KCTD3: variants seen among roughly 807,000 people sequenced by gnomAD.
KCTD3 encodes the protein potassium channel tetramerization domain containing 3.
Under a neutral mutation model 85.8 loss-of-function variants are expected in KCTD3, and 41 were observed. The ratio of observed to expected loss-of-function variants is 0.48; its 90% CI spans 0.37 to 0.62. The LOEUF (loss-of-function observed/expected upper bound fraction) is 0.62. Among genes scored for constraint, KCTD3 ranks in the 20% least tolerant of loss-of-function variants. The pLI is 0.00. For missense variants in KCTD3, 724 were observed against 989.9 expected (o/e 0.73, Z 3.60); for synonymous variants, 338 against 345.4 (o/e 0.98, Z 0.24).
chr1:215,598,455 A>G (rs549603793), intron 10 of KCTD3, among the ~76,000 whole-genome samples: 115 of 152,338 alleles, frequency 7.5e-4, no homozygotes, highest in Non-Finnish European at 1.1e-3. Context: ...ATATGACACC[A>G]GTTAGAACAC....
chr1:215,600,872 G>T (rs918383085), intron 10 of KCTD3, among the ~76,000 whole-genome samples: 1 of 152,162 alleles, frequency 6.6e-6, no homozygotes, highest in Admixed American at 6.5e-5. Flanking sequence ...AAACAGGGAA[G>T]ATTCATTTTG....
Position 215,619,002 on chromosome 1 carries a change from C to A in KCTD3, c.1679C>A (p.Thr560Lys). ...AGGCGCTACTTGTTCACAGGCCATA[C>A]AAATGGCAGTATTCAAATGTGGGAT... ...RPRRYLFTGHTNGSIQMWDLT... is the reference protein window; with the variant it reads ...RPRRYLFTGHKNGSIQMWDLT... Residue 560 changes from threonine to lysine, a missense_variant, in exon 16 of 18, where the codon ACA becomes AAA. Thr to Lys is a moderately conservative substitution (Grantham distance 78). Around this residue, in one of 6 missense-constraint regions of KCTD3, gnomAD observed 136 missense variants for 197.6 expected, o/e 0.69. Coordinates refer to ENST00000259154, the MANE Select transcript of KCTD3 (RefSeq NM_016121.5). 6.2e-7 allele frequency: 1 copy of A among 1,613,844 alleles called. No homozygotes were observed. The highest frequency in any genetic ancestry group is 8.5e-7 in the Non-Finnish European group (1 of 1,179,882).
At chr1:215,580,956 A>G (rs1659797094) in intron 8 of KCTD3, 2 of 467,754 alleles carry the variant, frequency 4.3e-6, no homozygotes, top group African/African-American at 2.0e-5. Context: ...TTAAGTGCAG[A>G]CTTTTATGTT....
chr1:215,578,104 T>A lies in KCTD3; in HGVS notation c.397+23T>A, dbSNP rs750393753. On this transcript the variant is annotated intron_variant, in intron 6 of 17. Transcript: ENST00000259154. ...CAGGTATTTTCACTTTATTAAATCT[T>A]TTAAAAAATTCCTTGTATCATTAAG... 10 of 1,595,710 alleles carry A rather than the reference T, an allele frequency of 6.3e-6. No individual in the cohort carries two copies. In the Admixed American group the frequency reaches 6.8e-5, roughly 11 times the overall value.
intron 10 of KCTD3, among the ~76,000 whole-genome samples, chr1:215,596,844 A>G (rs1477723879): frequency 1.2e-4 from 18 of 152,126 alleles, no homozygotes; most frequent in Admixed American, 1.1e-3. Context: ...TGCCAGAAGG[A>G]CCTGAAGACT....
chr1:215,611,896 G>T lies in KCTD3; in HGVS notation c.1537G>T (p.Val513Leu). The change falls in exon 15 of 18, where the codon GTA becomes TTA. Residue 513 changes from valine to leucine, a missense_variant. Physicochemically the swap from Val to Leu is conservative, Grantham distance 32. Coordinates refer to ENST00000259154, the MANE Select transcript of KCTD3 (RefSeq NM_016121.5). ...TGTTCCCATCACCAACAAACTATTTGTAAGACTCTCATCGACTGGAAAAAG... is the reference window on the plus strand; with the variant it reads ...TGTTCCCATCACCAACAAACTATTTTTAAGACTCTCATCGACTGGAAAAAG... ...KVVPITNKLFVRLSSTGKRIC... is the reference protein window; with the variant it reads ...KVVPITNKLFLRLSSTGKRIC... The T allele has an allele frequency of 6.2e-7, 1 of 1,605,940 alleles. No homozygotes were observed. The highest frequency in any genetic ancestry group is 8.5e-7 in the Non-Finnish European group (1 of 1,173,918).
intron 9 of KCTD3, among the ~76,000 whole-genome samples, chr1:215,592,347 T>C (rs188584962): frequency 1.3e-5 from 2 of 152,008 alleles, no homozygotes; most frequent in African/African-American, 4.8e-5. Flanking sequence ...AAAACAGTTG[T>C]TTCATATATT....
chr1:215,601,083 A>G (rs112147989), intron 10 of KCTD3, among the ~76,000 whole-genome samples: 52 of 152,250 alleles, frequency 3.4e-4, no homozygotes, highest in African/African-American at 1.2e-3. Flanking sequence ...GATTACTGGC[A>G]TGCGCCACTA....
At position 215,597,175 on chromosome 1, in the gene KCTD3, A is replaced by G. The variant is rs1571887868; in HGVS notation, c.933+1704A>G. ...GCAAAATCATCAGGACAGTTTCAAT[A>G]AAATATTAATGAAAATGTTATAAAA... is the stretch of plus-strand genomic sequence containing the variant. On this transcript the variant is annotated intron_variant, in intron 10 of 17. Coordinates refer to ENST00000259154, the MANE Select transcript of KCTD3 (RefSeq NM_016121.5). Among the ~76,000 whole-genome samples, 3 of 152,186 alleles carry G rather than the reference A, an allele frequency of 2.0e-5. No individual in the cohort carries two copies. In the East Asian group the frequency reaches 5.8e-4, roughly 29 times the overall value.
Position 215,567,601 on chromosome 1 carries a change from G to C in KCTD3, c.-85G>C. The C allele has an allele frequency of 1.3e-6, 1 of 791,810 alleles. No individual in the cohort carries two copies. Among genetic ancestry groups the C allele is most frequent in the Non-Finnish European group, 1.6e-6 (1 of 613,386 alleles). 49.0% of individuals were successfully genotyped at this position (791,810 alleles called of 1,614,324 possible). On this transcript the variant is annotated 5_prime_UTR_variant, in exon 1 of 18. Transcript: ENST00000259154. ...CCGCCGCCCCGCTGGCCCTGCAGCC[G>C]TCGCCGCTGCCTCGGGCTACAGCCC...
chr1:215,602,926 A>G (rs116309520), intron 12 of KCTD3, among the ~76,000 whole-genome samples: 2,264 of 152,350 alleles, frequency 0.015, 33 homozygotes, highest in Non-Finnish European at 0.025. Flanking sequence ...GACTGAAACC[A>G]TAGTAGGACT....
chr1:215,578,297 G>T (rs958466057), intron 6 of KCTD3, among the ~76,000 whole-genome samples: 1 of 152,170 alleles, frequency 6.6e-6, no homozygotes. Flanking sequence ...GATAGATTTT[G>T]TGAGCCAGAG....
intron 15 of KCTD3, chr1:215,618,382 T>C (rs1326837490): frequency 6.1e-6 from 1 of 165,136 alleles, no homozygotes; most frequent in Admixed American, 6.3e-5. Context: ...CTCAAATTCA[T>C]GTGGATTGTA....
chr1:215,588,410 G>C (rs1660093132), intron 9 of KCTD3, among the ~76,000 whole-genome samples: 2 of 151,496 alleles, frequency 1.3e-5, no homozygotes, highest in African/African-American at 4.8e-5. Flanking sequence ...AACATAAAAG[G>C]CCAAATCTTT....
rs1046916552 is a variant in KCTD3, at chr1:215,567,541, G to T, written c.-145G>T. The T allele has an allele frequency of 9.0e-6, 3 of 334,260 alleles. No homozygotes were observed. The highest frequency in any genetic ancestry group is 2.9e-4 in the South Asian group (2 of 6,852). The allele number at this position is 334,260 out of a possible 1,614,324, so 20.7% of individuals were successfully genotyped here. The stretch of plus-strand genomic sequence containing the variant: ...AGCCCCGCCCGGCCGCCGGGAAGGT[G>T]GGGGAAGCCCCGTGCACCCCCCGCC... On this transcript the variant is annotated 5_prime_UTR_variant, in exon 1 of 18. Coordinates refer to ENST00000259154, the MANE Select transcript of KCTD3 (RefSeq NM_016121.5).
chr1:215,580,303 A>G (rs537808483), intron 8 of KCTD3, among the ~76,000 whole-genome samples: 1 of 152,316 alleles, frequency 6.6e-6, no homozygotes, highest in Admixed American at 6.5e-5. Flanking sequence ...AGACTGTAGT[A>G]TATAATGATG....
chr1:215,592,381 T>C (rs1660259401), intron 9 of KCTD3, among the ~76,000 whole-genome samples: 1 of 152,174 alleles, frequency 6.6e-6, no homozygotes, highest in Non-Finnish European at 1.5e-5. Context: ...TTTTTGTTGT[T>C]ACTGCTGTTT....
At chr1:215,601,833 T>C (rs1310257016) in intron 10 of KCTD3, 34 bp from the exon 11 acceptor site, 4 of 1,176,116 alleles carry the variant, frequency 3.4e-6, no homozygotes, top group Non-Finnish European at 5.0e-6. Context: ...TTATAATTAC[T>C]ATCTAACATC....
intron 8 of KCTD3, among the ~76,000 whole-genome samples, chr1:215,585,640 T>C (rs148933987): frequency 1.5e-3 from 231 of 152,330 alleles, no homozygotes; most frequent in Middle Eastern, 6.8e-3. Flanking sequence ...ACTTCATAGT[T>C]CAACTCATTC....
Sources: allele counts gnomAD v4.1 joint callset (sites outside exome capture counted in the v4.1 genomes callset), GRCh38; gene constraint gnomAD v4.1.1; regional missense constraint gnomAD v4.1.1; transcripts MANE v1.5; gene names NCBI Gene and HGNC (gene_info 2026-07-23, HGNC 2026-07-21).